PIK3C2G: variants seen among roughly 807,000 people sequenced by gnomAD.
PIK3C2G encodes phosphatidylinositol 3-kinase C2 domain-containing subunit gamma.
In PIK3C2G, 168 loss-of-function variants were observed where a neutral mutation model predicts 181.1. The ratio of observed to expected loss-of-function variants is 0.93; its 90% CI spans 0.82 to 1.05. The LOEUF is 1.05. Ranked by LOEUF, PIK3C2G falls within the 50% of genes least tolerant of loss-of-function variation. The probability of loss-of-function intolerance (pLI) is 0.00; values close to 1 mark genes in which losing one functional copy is unlikely to be tolerated. For missense variants in PIK3C2G, 1,869 were observed against 1,732.8 expected (o/e 1.08, Z -1.40); for synonymous variants, 573 against 592.2 (o/e 0.97, Z 0.47).
At chr12:18,258,908 G>A (rs969030334), upstream of PIK3C2G, among the ~76,000 whole-genome samples, 4 of 152,060 alleles carry the variant, frequency 2.6e-5, no homozygotes, top group African/African-American at 9.7e-5. Flanking sequence ...CCCTCTTAAA[G>A]TGAATGAATA....
chr12:18,707,990 C>A, the PIK3C2G span, among the ~76,000 whole-genome samples: 1 of 152,164 alleles, frequency 6.6e-6, no homozygotes, highest in African/African-American at 2.4e-5. Flanking sequence ...CATCATTTCA[C>A]AGTTACCCTT....
intron 1 of PIK3C2G, among the ~76,000 whole-genome samples, chr12:18,279,529 A>C (rs1251210309): frequency 1.3e-5 from 2 of 152,036 alleles, no homozygotes; most frequent in African/African-American, 4.8e-5. Flanking sequence ...AATCACTTTA[A>C]TGTAGCTACA....
intron 16 of PIK3C2G, among the ~76,000 whole-genome samples, chr12:18,406,260 T>A (rs1057232245): frequency 6.6e-5 from 10 of 152,194 alleles, no homozygotes; most frequent in African/African-American, 2.2e-4. Flanking sequence ...CATACCACAG[T>A]GTCGTTATCC....
rs777959749 is a variant in PIK3C2G at position 18,282,154 on chromosome 12, C to A, written c.73C>A (p.Leu25Ile). 34 of 1,610,382 alleles carry A rather than the reference C, an allele frequency of 2.1e-5. No homozygotes were observed. Among genetic ancestry groups the A allele is most frequent in the Non-Finnish European group, 2.7e-5 (32 of 1,177,772 alleles). ...AAAGCAGTATGAACACCAAGAATTT[C>A]TCTTTGTAAATCAACCCCATTCTTC... ...HEKQYEHQEF[L>I]FVNQPHSSSQ... The change falls in exon 2 of 33, where the codon CTC (leucine) becomes ATC (isoleucine). Residue 25 changes from leucine to isoleucine, a missense_variant. Physicochemically the swap from Leu to Ile is conservative, Grantham distance 5. Coordinates refer to ENST00000538779, the MANE Select transcript of PIK3C2G (RefSeq NM_001288772.2).
At chr12:18,701,277 G>A in the PIK3C2G span, among the ~76,000 whole-genome samples, 1 of 152,030 alleles carries the variant, frequency 6.6e-6, no homozygotes, top group African/African-American at 2.4e-5. Flanking sequence ...GAGCCACCGT[G>A]CTCAGCCTAG....
intron 16 of PIK3C2G, among the ~76,000 whole-genome samples, chr12:18,401,206 T>G (rs1004625059): frequency 1.3e-5 from 2 of 152,154 alleles, no homozygotes; most frequent in Non-Finnish European, 2.9e-5. Context: ...GCATTATTAT[T>G]ATTTTTACAG....
At chr12:18,517,356 A>C (rs1031511481) in intron 24 of PIK3C2G, among the ~76,000 whole-genome samples, 1 of 152,184 alleles carries the variant, frequency 6.6e-6, no homozygotes, top group African/African-American at 2.4e-5. Context: ...GATTCTTTCT[A>C]TCCATGAGGA....
At chr12:18,554,667 T>C (rs79659715) in intron 26 of PIK3C2G, among the ~76,000 whole-genome samples, 6,789 of 152,098 alleles carry the variant, frequency 0.045, 336 homozygotes, top group African/African-American at 0.13. Context: ...AATATGTGTT[T>C]GAATACTTAG....
intron 31 of PIK3C2G, among the ~76,000 whole-genome samples, chr12:18,639,871 G>C (rs1224298157): frequency 1.3e-5 from 2 of 151,908 alleles, no homozygotes; most frequent in Admixed American, 1.3e-4. Context: ...ACATAATTTA[G>C]AGTACTTTAG....
At chr12:18,397,372 T>C (rs1386094724) in intron 15 of PIK3C2G, among the ~76,000 whole-genome samples, 4 of 152,022 alleles carry the variant, frequency 2.6e-5, no homozygotes. Flanking sequence ...GCAAGCCACA[T>C]TCTGAGAAAA....
At chr12:18,428,445 T>C (rs1214430096) in intron 18 of PIK3C2G, among the ~76,000 whole-genome samples, 1 of 152,062 alleles carries the variant, frequency 6.6e-6, no homozygotes. Context: ...GAACTAAATA[T>C]CCTGTCTTGC....
At chr12:18,349,916 T>C (rs568445119) in intron 11 of PIK3C2G, among the ~76,000 whole-genome samples, 19 of 152,238 alleles carry the variant, frequency 1.2e-4, no homozygotes, top group Non-Finnish European at 2.4e-4. Flanking sequence ...TTGAACAAAA[T>C]CCCTTGAATA....
At chr12:18,287,216 A>T (rs1431590870) in intron 3 of PIK3C2G, among the ~76,000 whole-genome samples, 1 of 147,936 alleles carries the variant, frequency 6.8e-6, no homozygotes, top group Non-Finnish European at 1.5e-5. Context: ...TTTGCAGTGA[A>T]TTTTTTTTTT....
At chr12:18,563,618 T>C in intron 28 of PIK3C2G, 120 bp downstream of exon 28, 2 of 838,100 alleles carry the variant, frequency 2.4e-6, no homozygotes, top group Non-Finnish European at 3.7e-6. Context: ...CCAATGCCAT[T>C]GAATCTATCC....
chr12:18,704,177 T>C, the PIK3C2G span, among the ~76,000 whole-genome samples: 2 of 152,038 alleles, frequency 1.3e-5, no homozygotes, highest in African/African-American at 4.8e-5. Flanking sequence ...AGATGAAGAC[T>C]AAAAGAGGTT....
chr12:18,274,167 G>A (rs1948872612), intron 1 of PIK3C2G, among the ~76,000 whole-genome samples: 1 of 152,186 alleles, frequency 6.6e-6, no homozygotes. Context: ...GAGCTGGAGA[G>A]GATGTGGAGA....
intron 23 of PIK3C2G, among the ~76,000 whole-genome samples, chr12:18,504,561 T>C (rs1028415405): frequency 5.3e-5 from 8 of 152,182 alleles, no homozygotes; most frequent in Non-Finnish European, 1.0e-4. Flanking sequence ...AGCCCCTCCA[T>C]GCTAGGAGAC....
At chr12:18,433,743 C>A (rs150705994) in intron 18 of PIK3C2G, among the ~76,000 whole-genome samples, 1 of 152,204 alleles carries the variant, frequency 6.6e-6, no homozygotes, top group East Asian at 1.9e-4. Context: ...ATTAAGTCAC[C>A]CATTTCATCA....
chr12:18,406,117 G>A (rs986064717), intron 16 of PIK3C2G, among the ~76,000 whole-genome samples: 1 of 152,034 alleles, frequency 6.6e-6, no homozygotes, highest in Non-Finnish European at 1.5e-5. Context: ...ACATTTAAGT[G>A]AGATTATTAA....
Sources: gnomAD v4.1 joint callset for allele counts (sites outside exome capture counted in the v4.1 genomes callset) on GRCh38, gnomAD v4.1.1 for gene constraint, MANE v1.5 for transcripts, NCBI Gene and HGNC (gene_info 2026-07-23, HGNC 2026-07-21) for gene names.